THSD7A: variants seen among roughly 807,000 people sequenced by gnomAD.
THSD7A encodes the protein thrombospondin type 1 domain containing 7A.
THSD7A carries 96 observed loss-of-function variants against 231.3 expected under a neutral mutation model. The ratio of observed to expected loss-of-function variants is 0.41; its 90% CI spans 0.35 to 0.49. THSD7A has a LOEUF of 0.49. Among genes scored for constraint, THSD7A ranks in the 20% least tolerant of loss-of-function variants. The pLI is 0.05. For synonymous variants in THSD7A, 940 were observed against 743.3 expected, an observed-to-expected ratio of 1.26 and a Z score of -4.30; for missense variants, 2,290 against 2,070.2, an observed-to-expected ratio of 1.11 and a Z score of -2.06.
chr7:11,689,885 G>T (rs1345600275), intron 1 of THSD7A, among the ~76,000 whole-genome samples: 1 of 149,628 alleles, frequency 6.7e-6, no homozygotes, highest in Non-Finnish European at 1.5e-5. Flanking sequence ...CCAGAGATTT[G>T]TATCTGCCCA....
intron 6 of THSD7A, among the ~76,000 whole-genome samples, chr7:11,515,456 G>A (rs1007230949): frequency 6.6e-6 from 1 of 151,982 alleles, no homozygotes; most frequent in African/African-American, 2.4e-5. Context: ...AATGCACAAG[G>A]CAGATAATTT....
chr7:11,387,195 C>T (rs550923711), intron 23 of THSD7A, among the ~76,000 whole-genome samples: 2 of 152,150 alleles, frequency 1.3e-5, no homozygotes, highest in Non-Finnish European at 2.9e-5. Context: ...GCTATGCGGG[C>T]TCTTTTTTTG....
intron 8 of THSD7A, among the ~76,000 whole-genome samples, chr7:11,472,036 G>T (rs1182848935): frequency 2.0e-5 from 3 of 152,102 alleles, no homozygotes; most frequent in African/African-American, 4.8e-5. Flanking sequence ...TTGAGAAATA[G>T]TCACAGCAAG....
intron 2 of THSD7A, among the ~76,000 whole-genome samples, chr7:11,626,308 GAAAGA>G (rs1189913133): frequency 1.3e-5 from 2 of 152,074 alleles, no homozygotes; most frequent in Non-Finnish European, 2.9e-5. Context: ...AAAAGGAGCA[GAAAGA>G]AATCTTTGCA....
At chr7:11,601,791 C>T (rs1020786538) in intron 2 of THSD7A, among the ~76,000 whole-genome samples, 1 of 152,136 alleles carries the variant, frequency 6.6e-6, no homozygotes. Context: ...TAAAACTACT[C>T]ACATTACCTT....
chr7:11,534,994 G>A (rs1001925201), intron 6 of THSD7A, among the ~76,000 whole-genome samples: 2 of 152,122 alleles, frequency 1.3e-5, no homozygotes, highest in East Asian at 1.9e-4. Context: ...GAAATAAAGA[G>A]AAAATTGGTT....
chr7:11,474,220 G>C lies in THSD7A; in HGVS notation c.2252+114C>G. The stretch of plus-strand genomic sequence containing the variant: ...TTCAAAACAAACAAATCTTGCTCTT[G>C]AGGACAGGTATGACAAGCATCAAAA... On this transcript the variant is annotated intron_variant, in intron 8 of 27. Coordinates refer to ENST00000423059, the MANE Select transcript of THSD7A (RefSeq NM_015204.3). This position sits in a 1 kb window ranked among gnomAD's most constrained non-coding sequence, Gnocchi z 4.1. 2.3e-6 allele frequency: 2 copies of C among 858,494 alleles called. No homozygotes were observed. Among genetic ancestry groups the C allele is most frequent in the African/African-American group, 1.7e-5 (1 of 58,690 alleles). 53.2% of individuals were successfully genotyped at this position (858,494 alleles called of 1,614,324 possible).
At chr7:11,701,129 T>C (rs933468132) in intron 1 of THSD7A, among the ~76,000 whole-genome samples, 8 of 151,260 alleles carry the variant, frequency 5.3e-5, no homozygotes, top group African/African-American at 1.7e-4. Flanking sequence ...TTTAGAGCTC[T>C]AGATGCATCT....
intron 1 of THSD7A, among the ~76,000 whole-genome samples, chr7:11,804,690 C>T (rs1583304716): frequency 6.6e-6 from 1 of 152,166 alleles, no homozygotes; most frequent in South Asian, 2.1e-4. Context: ...TTACATTTCT[C>T]TCTTCCTCAA....
At chr7:11,548,538 C>G (rs541725504) in intron 4 of THSD7A, among the ~76,000 whole-genome samples, 1 of 152,104 alleles carries the variant, frequency 6.6e-6, no homozygotes, top group African/African-American at 2.4e-5. Context: ...ATACCAAAAC[C>G]TGGCAGAGAC....
At chr7:11,382,083 T>G (rs75072093) in intron 24 of THSD7A, among the ~76,000 whole-genome samples, 6,104 of 152,206 alleles carry the variant, frequency 0.04, 412 homozygotes, top group African/African-American at 0.14. Flanking sequence ...ACTTCTGAAT[T>G]TAAGCAAGGT....
chr7:11,394,821 A>C (rs770857710), intron 23 of THSD7A, among the ~76,000 whole-genome samples: 2 of 152,126 alleles, frequency 1.3e-5, no homozygotes, highest in African/African-American at 2.4e-5. Flanking sequence ...CATTTCATTC[A>C]TCGGTCGGCC....
rs200667882 is a variant in THSD7A, at chr7:11,461,989, C to A, written c.2501+22G>T. 3.1e-6 allele frequency: 5 copies of A among 1,608,966 alleles called. No homozygotes were observed. The South Asian group carries it at 3.3e-5, about 11-fold the overall frequency. ...ACGTATTTGTTCAGCTCCTCCCTCACGATGCATTTCTCTAACCCTACCTGT... is the reference window on the plus strand; with the variant it reads ...ACGTATTTGTTCAGCTCCTCCCTCAAGATGCATTTCTCTAACCCTACCTGT... On this transcript the variant is annotated intron_variant, in intron 10 of 27. Coordinates refer to ENST00000423059, the MANE Select transcript of THSD7A (RefSeq NM_015204.3).
In THSD7A at chr7:11,446,064, G is replaced by A. The variant is rs1784959470; in HGVS notation, c.3061C>T (p.His1021Tyr). ...GTAACAATGAAGATTGAATTACCAT[G>A]GCTGTTACATCTAGATGTTTCCACA... Reference protein sequence around the residue: ...RLVETSRCNSHGYIEEACIIP... With the variant: ...RLVETSRCNSYGYIEEACIIP... Residue 1021 changes from histidine to tyrosine, a missense_variant, in exon 13 of 28, where the codon CAT becomes TAT. Physicochemically the swap from His to Tyr is moderately conservative, Grantham distance 83. Coordinates refer to ENST00000423059, the MANE Select transcript of THSD7A (RefSeq NM_015204.3). The surrounding 1 kb of genome is among the most constrained non-coding windows in gnomAD (Gnocchi z 4.0). 1 of 1,613,026 alleles carries A rather than the reference G, an allele frequency of 6.2e-7. No individual in the cohort carries two copies. Among genetic ancestry groups the A allele is most frequent in the African/African-American group, 1.3e-5 (1 of 74,850 alleles).
rs1785525207 is a variant in THSD7A, at chr7:11,462,059, A to C, written c.2453T>G (p.Leu818Arg). 1.2e-6 allele frequency: 2 copies of C among 1,613,756 alleles called. No homozygotes were observed. Among genetic ancestry groups the C allele is most frequent in the Non-Finnish European group, 1.7e-6 (2 of 1,179,752 alleles). ...ANGGRDCTDP[L>R]YEEKACEAPQ... is the part of the protein sequence containing the mutation. Reference sequence around the variant, plus strand: ...TGCCTCACAGGCCTTCTCTTCATAGAGGGGATCTGTGCAGTCTCGGCCCCC... The same window carrying C: ...TGCCTCACAGGCCTTCTCTTCATAGCGGGGATCTGTGCAGTCTCGGCCCCC... The change falls in exon 10 of 28, where the codon CTC (leucine) becomes CGC (arginine). Residue 818 changes from leucine (L) to arginine (R), a missense_variant. Physicochemically the swap from Leu to Arg is moderately radical, Grantham distance 102. Transcript: ENST00000423059.
chr7:11,439,221 G>C (rs1018758640), intron 13 of THSD7A, among the ~76,000 whole-genome samples: 1 of 151,900 alleles, frequency 6.6e-6, no homozygotes, highest in African/African-American at 2.4e-5. Context: ...AATAAAACTT[G>C]ATAAAGAAAC....
intron 6 of THSD7A, among the ~76,000 whole-genome samples, chr7:11,500,448 CA>C (rs1264645689): frequency 2.6e-5 from 4 of 152,078 alleles, no homozygotes; most frequent in African/African-American, 9.7e-5. Context: ...ATGATAGGGT[CA>C]AATCCATACA....
intron 1 of THSD7A, among the ~76,000 whole-genome samples, chr7:11,819,102 T>C (rs1228649376): frequency 6.6e-6 from 1 of 152,084 alleles, no homozygotes; most frequent in Non-Finnish European, 1.5e-5. Flanking sequence ...AGATGAAACA[T>C]CATGTTAGTA....
At chr7:11,729,403 A>G (rs1781651524) in intron 1 of THSD7A, among the ~76,000 whole-genome samples, 1 of 151,730 alleles carries the variant, frequency 6.6e-6, no homozygotes, top group South Asian at 2.1e-4. Flanking sequence ...CAGCACCGCA[A>G]ATAACATTCA....
Sources: allele counts gnomAD v4.1 joint callset (sites outside exome capture counted in the v4.1 genomes callset), GRCh38; gene constraint gnomAD v4.1.1; non-coding constraint Gnocchi (gnomAD v3.1); transcripts MANE v1.5; gene names NCBI Gene and HGNC (gene_info 2026-07-23, HGNC 2026-07-21).